Variants in ERC2 observed in about 807,000 individuals in gnomAD.
ERC2 encodes the protein ERC protein 2.
ERC2 carries 42 observed loss-of-function variants against 114.8 expected under a neutral mutation model. That is an observed-to-expected ratio of 0.37 (90% CI 0.29 to 0.47). The LOEUF (loss-of-function observed/expected upper bound fraction) is 0.47. ERC2 is among the 20% of genes least tolerant of loss of function. ERC2 has a pLI of 0.99. For synonymous variants in ERC2, 454 were observed against 425.5 expected, an observed-to-expected ratio of 1.07 and a Z score of -0.82; for missense variants, 939 against 1,150.7, an observed-to-expected ratio of 0.82 and a Z score of 2.66.
At chr3:56,177,076 A>G (rs6445770) in intron 3 of ERC2, among the ~76,000 whole-genome samples, 124,690 of 152,170 alleles carry the variant, frequency 0.82, 52,264 homozygotes, top group South Asian at 0.93. Context: ...CTGAAGACCT[A>G]CATCACATGG....
intron 17 of ERC2, among the ~76,000 whole-genome samples, chr3:55,670,837 A>G (rs2061528013): frequency 6.6e-6 from 1 of 151,856 alleles, no homozygotes; most frequent in Admixed American, 6.6e-5. Flanking sequence ...GTTGGGGGGG[A>G]ATTTTTTTAA....
chr3:55,822,759 A>T (rs1225486782), intron 14 of ERC2, among the ~76,000 whole-genome samples: 1 of 147,658 alleles, frequency 6.8e-6, no homozygotes, highest in Non-Finnish European at 1.5e-5. Context: ...GACTACAGGC[A>T]CCCGCCACTA....
chr3:56,448,425 T>A (rs987399781), intron 1 of ERC2, among the ~76,000 whole-genome samples: 5 of 152,196 alleles, frequency 3.3e-5, no homozygotes, highest in Admixed American at 2.6e-4. Context: ...AGGTGAGATC[T>A]GAATTTTGAA....
chr3:55,959,776 T>C (rs1304490475), intron 12 of ERC2, among the ~76,000 whole-genome samples: 1 of 152,200 alleles, frequency 6.6e-6, no homozygotes, highest in Non-Finnish European at 1.5e-5. Flanking sequence ...ATTTTTCACA[T>C]TGTTAAGCAT....
chr3:55,617,744 T>C (rs970081496), intron 17 of ERC2, among the ~76,000 whole-genome samples: 3 of 152,200 alleles, frequency 2.0e-5, no homozygotes, highest in Admixed American at 2.0e-4. Flanking sequence ...GCCCAGAATG[T>C]CAGACCCCTC....
intron 3 of ERC2, among the ~76,000 whole-genome samples, chr3:56,275,082 A>T (rs2053907098): frequency 6.6e-6 from 1 of 152,214 alleles, no homozygotes; most frequent in Non-Finnish European, 1.5e-5. Flanking sequence ...GACCAGTAAG[A>T]GTTCACAAGG....
chr3:56,306,568 T>C (rs1352983226), intron 2 of ERC2, among the ~76,000 whole-genome samples: 4 of 151,944 alleles, frequency 2.6e-5, no homozygotes, highest in African/African-American at 9.7e-5. Flanking sequence ...GAAGAAGAAA[T>C]AGAAACTGAG....
At chr3:56,355,129 A>G (rs1576568136) in intron 2 of ERC2, among the ~76,000 whole-genome samples, 1 of 152,314 alleles carries the variant, frequency 6.6e-6, no homozygotes, top group Middle Eastern at 3.4e-3. Context: ...ATCACAAATC[A>G]TTGTGAGTGA....
At chr3:55,535,049 C>T (rs2053913239) in intron 17 of ERC2, among the ~76,000 whole-genome samples, 1 of 152,210 alleles carries the variant, frequency 6.6e-6, no homozygotes, top group African/African-American at 2.4e-5. Flanking sequence ...GCCATTTCCA[C>T]CAGGGTTCCT....
intron 17 of ERC2, among the ~76,000 whole-genome samples, chr3:55,668,433 A>T (rs1467761534): frequency 6.6e-6 from 1 of 152,202 alleles, no homozygotes; most frequent in East Asian, 1.9e-4. Flanking sequence ...GACTAAGTAG[A>T]GTTACACATG....
intron 3 of ERC2, among the ~76,000 whole-genome samples, chr3:56,286,529 A>T (rs2054729394): frequency 6.6e-6 from 1 of 152,046 alleles, no homozygotes; most frequent in African/African-American, 2.4e-5. Flanking sequence ...AATATAACTA[A>T]TTGCAGACAG....
chr3:55,579,598 A>G (rs1169082363), intron 17 of ERC2, among the ~76,000 whole-genome samples: 1 of 152,236 alleles, frequency 6.6e-6, no homozygotes, highest in East Asian at 1.9e-4. Flanking sequence ...GATAAGAACT[A>G]CCTGTCAAAA....
At chr3:56,118,876 C>A (rs9820348) in intron 6 of ERC2, among the ~76,000 whole-genome samples, 1 of 151,880 alleles carries the variant, frequency 6.6e-6, no homozygotes, top group Non-Finnish European at 1.5e-5. Flanking sequence ...GACCTTGTGA[C>A]CCACCCGCCT....
chr3:55,940,065 G>A (rs183881376), intron 13 of ERC2, among the ~76,000 whole-genome samples: 63 of 152,284 alleles, frequency 4.1e-4, no homozygotes, highest in Middle Eastern at 3.4e-3. Context: ...TACCAGGATG[G>A]TGCCAAGAAG....
At chr3:56,369,325 A>G (rs1400929659) in intron 2 of ERC2, among the ~76,000 whole-genome samples, 1 of 152,204 alleles carries the variant, frequency 6.6e-6, no homozygotes, top group Non-Finnish European at 1.5e-5. Context: ...CCCATGATAA[A>G]ATCCTCCAGG....
At chr3:56,436,758 A>G (rs1355851587) in intron 1 of ERC2, among the ~76,000 whole-genome samples, 1 of 152,204 alleles carries the variant, frequency 6.6e-6, no homozygotes, top group Admixed American at 6.5e-5. Flanking sequence ...TGGGAAAGAT[A>G]AGCTCTTCTT....
At chr3:55,730,354 G>C (rs907338743) in intron 15 of ERC2, among the ~76,000 whole-genome samples, 2 of 152,210 alleles carry the variant, frequency 1.3e-5, no homozygotes, top group African/African-American at 4.8e-5. Context: ...AGAGAGTCTG[G>C]CAGAGTAGGT....
chr3:55,789,862 A>G (rs76258078), intron 14 of ERC2, among the ~76,000 whole-genome samples: 3,789 of 152,280 alleles, frequency 0.025, 72 homozygotes, highest in Non-Finnish European at 0.041. Flanking sequence ...TTTGGCATCA[A>G]TGTGATGTGA....
At chr3:55,757,739 C>T (rs1276725092) in intron 14 of ERC2, among the ~76,000 whole-genome samples, 2 of 152,048 alleles carry the variant, frequency 1.3e-5, no homozygotes, top group Non-Finnish European at 2.9e-5. Flanking sequence ...TCACTTTGAA[C>T]ATCCTAATAA....
Sources: gnomAD v4.1 joint callset for allele counts (sites outside exome capture counted in the v4.1 genomes callset) on GRCh38, gnomAD v4.1.1 for gene constraint, MANE v1.5 for transcripts, NCBI Gene and HGNC (gene_info 2026-07-23, HGNC 2026-07-21) for gene names.